Variants in RSPO3 observed in about 807,000 individuals in gnomAD.
RSPO3 encodes the protein R-spondin 3, also known as R-spondin-3.
Under a neutral mutation model 36.5 loss-of-function variants are expected in RSPO3, and 17 were observed. That is an observed-to-expected ratio of 0.47 (90% confidence interval 0.32 to 0.70). RSPO3 has a LOEUF of 0.70. Among genes scored for constraint, RSPO3 ranks in the 30% least tolerant of loss-of-function variants. The pLI is 0.04. For synonymous variants in RSPO3, 108 were observed against 107.0 expected, an observed-to-expected ratio of 1.01 and a Z score of -0.06; for missense variants, 294 against 322.5, an observed-to-expected ratio of 0.91 and a Z score of 0.68.
intron 1 of RSPO3, among the ~76,000 whole-genome samples, chr6:127,124,521 A>G (rs1773903566): frequency 6.6e-6 from 1 of 151,686 alleles, no homozygotes; most frequent in Admixed American, 6.6e-5. Context: ...TTTTTTTTTG[A>G]AAATAATAAT....
In RSPO3 at chr6:127,148,780, T is replaced by G; in HGVS notation, c.230T>G (p.Leu77Arg). The change falls in exon 2 of 5, where the codon CTC (leucine) becomes CGC (arginine). Residue 77 changes from leucine to arginine, a missense_variant. Leu to Arg is a moderately radical substitution (Grantham distance 102). Transcript: ENST00000356698. The stretch of plus-strand genomic sequence containing the variant: ...GGCATGAAGCAGATTGGAGTATGTC[T>G]CTCTTCATGTCCAAGTGGATATTAT... ...RIGMKQIGVCLSSCPSGYYGT... is the reference protein window; with the variant it reads ...RIGMKQIGVCRSSCPSGYYGT... 6.2e-7 allele frequency: 1 copy of G among 1,613,014 alleles called. No homozygotes were observed. The highest frequency in any genetic ancestry group is 8.5e-7 in the Non-Finnish European group (1 of 1,179,268).
chr6:127,138,624 C>G (rs1008663054), intron 1 of RSPO3, among the ~76,000 whole-genome samples: 3 of 152,068 alleles, frequency 2.0e-5, no homozygotes, highest in Non-Finnish European at 4.4e-5. Context: ...GCACTTTACA[C>G]AGCATCTCAC....
At chr6:127,172,127 A>C (rs1251416966) in intron 4 of RSPO3, among the ~76,000 whole-genome samples, 2 of 96,304 alleles carry the variant, frequency 2.1e-5, no homozygotes, top group Non-Finnish European at 4.4e-5. Flanking sequence ...TATTGCCATG[A>C]AACTCTATAC....
At chr6:127,132,512 G>T (rs1209499989) in intron 1 of RSPO3, among the ~76,000 whole-genome samples, 3 of 151,924 alleles carry the variant, frequency 2.0e-5, no homozygotes, top group African/African-American at 7.3e-5. Flanking sequence ...TTAAAAAAAG[G>T]TGGGGGCAAT....
intron 4 of RSPO3, chr6:127,192,770 GTGTGTGTATATATATA>G: frequency 1.4e-6 from 1 of 711,370 alleles, no homozygotes; most frequent in South Asian, 6.3e-5. Context: ...AAGCACACGT[GTGTGTGTATATATATA>G]TGTGTGTGTA....
intron 1 of RSPO3, among the ~76,000 whole-genome samples, chr6:127,125,202 G>A (rs1773916178): frequency 6.6e-6 from 1 of 152,002 alleles, no homozygotes; most frequent in South Asian, 2.1e-4. Context: ...AATATTTAAT[G>A]GCTTTTAACT....
At chr6:127,192,226 T>C (rs1196355168) in intron 4 of RSPO3, among the ~76,000 whole-genome samples, 1 of 152,258 alleles carries the variant, frequency 6.6e-6, no homozygotes, top group African/African-American at 2.4e-5. Context: ...GCAGTCTCCA[T>C]ATCTAACTTA....
chr6:127,177,939 C>T lies in RSPO3; in HGVS notation c.635-17884C>T, dbSNP rs75699605. On this transcript the variant is annotated intron_variant, in intron 4 of 4. Transcript: ENST00000356698. ...GAGAATGGTGAAATAACTTTTGTCA[C>T]GTTAGTATTAGTCTCATAATCAGTG... Among the ~76,000 whole-genome samples the T allele has an allele frequency of 5.5e-3, 833 of 151,400 alleles. 4 individuals are homozygous for T. The highest frequency in any genetic ancestry group is 0.017 in the Middle Eastern group (5 of 294).
At position 127,119,303 on chromosome 6, in the gene RSPO3, T is replaced by A; in HGVS notation, c.97+14T>A. On this transcript the variant is annotated intron_variant, in intron 1 of 4. Transcript: ENST00000356698. ...GCCAGCGAAGAAGTAAGTGCAGGGT[T>A]TTTTACGCGTTTGCTCCCTCCCGCC... is the stretch of plus-strand genomic sequence containing the variant. 6.3e-7 allele frequency: 1 copy of A among 1,594,374 alleles called. No homozygotes were observed. Among genetic ancestry groups the A allele is most frequent in the Non-Finnish European group, 8.6e-7 (1 of 1,163,514 alleles).
chr6:127,155,471 A>C, intron 4 of RSPO3, 33 bp downstream of exon 4: 2 of 1,569,546 alleles, frequency 1.3e-6, no homozygotes, highest in Non-Finnish European at 1.7e-6. Flanking sequence ...TGCTTGTTTG[A>C]ATCCTCATAA....
intron 1 of RSPO3, among the ~76,000 whole-genome samples, chr6:127,124,436 T>C (rs1773901540): frequency 6.6e-6 from 1 of 152,116 alleles, no homozygotes; most frequent in Admixed American, 6.5e-5. Context: ...GTAAGGATCA[T>C]GCAAGACAGT....
chr6:127,182,849 A>G (rs1432124836), intron 4 of RSPO3, among the ~76,000 whole-genome samples: 1 of 152,010 alleles, frequency 6.6e-6, no homozygotes. Flanking sequence ...ATCAGGCAAG[A>G]TGGGCTAGAA....
At chr6:127,119,339 G>C in intron 1 of RSPO3, 50 bp downstream of exon 1, 1 of 1,401,014 alleles carries the variant, frequency 7.1e-7, no homozygotes, top group Non-Finnish European at 1.0e-6. Context: ...GCGTTCACCT[G>C]TCGGGTCGCT....
chr6:127,166,746 G>T (rs1774828564), intron 4 of RSPO3, among the ~76,000 whole-genome samples: 1 of 151,908 alleles, frequency 6.6e-6, no homozygotes, highest in South Asian at 2.1e-4. Context: ...AGGTGTTTCA[G>T]TTCACACGTG....
intron 4 of RSPO3, among the ~76,000 whole-genome samples, chr6:127,174,838 T>A (rs989958546): frequency 6.6e-6 from 1 of 151,802 alleles, no homozygotes; most frequent in African/African-American, 2.4e-5. Context: ...GAAGTACCCA[T>A]GAAAGTTTTC....
At chr6:127,169,701 T>C (rs1039269389) in intron 4 of RSPO3, among the ~76,000 whole-genome samples, 11 of 151,946 alleles carry the variant, frequency 7.2e-5, no homozygotes, top group South Asian at 2.1e-4. Flanking sequence ...CAGTGCATTA[T>C]AGTTTCCACT....
chr6:127,144,333 T>C (rs186012040), intron 1 of RSPO3, among the ~76,000 whole-genome samples: 116 of 152,274 alleles, frequency 7.6e-4, no homozygotes, highest in African/African-American at 2.7e-3. Flanking sequence ...TATAAAGATA[T>C]AGTTACCAGA....
chr6:127,119,155 G>T lies in RSPO3; in HGVS notation c.-38G>T. ...CATTAAATATAATTAACAATCAAAAGAAAGAGGAGAAAGGAAGGGAAGCAT... is the reference window on the plus strand; with the variant it reads ...CATTAAATATAATTAACAATCAAAATAAAGAGGAGAAAGGAAGGGAAGCAT... On this transcript the variant is annotated 5_prime_UTR_variant, in exon 1 of 5. Coordinates refer to ENST00000356698, the MANE Select transcript of RSPO3 (RefSeq NM_032784.5). The T allele has an allele frequency of 7.1e-7, 1 of 1,404,336 alleles. No homozygotes were observed. The highest frequency in any genetic ancestry group is 1.0e-6 in the Non-Finnish European group (1 of 996,010). The allele number at this position is 1,404,336 out of a possible 1,614,324, so 87.0% of individuals were successfully genotyped here.
chr6:127,174,132 G>C (rs891810458), intron 4 of RSPO3, among the ~76,000 whole-genome samples: 1 of 151,774 alleles, frequency 6.6e-6, no homozygotes, highest in African/African-American at 2.4e-5. Context: ...CGTGGCAAAG[G>C]CTTAAAAATT....
Sources: allele counts gnomAD v4.1 joint callset (sites outside exome capture counted in the v4.1 genomes callset), GRCh38; gene constraint gnomAD v4.1.1; transcripts MANE v1.5; gene names NCBI Gene and HGNC (gene_info 2026-07-23, HGNC 2026-07-21).